Variants in OSBPL10 observed in about 807,000 individuals in gnomAD.
OSBPL10 encodes oxysterol-binding protein-related protein 10.
In OSBPL10, 49 loss-of-function variants were observed where a neutral mutation model predicts 81.7. The observed-to-expected ratio is 0.60, with a 90% CI of 0.48 to 0.76. The LOEUF (loss-of-function observed/expected upper bound fraction) is 0.76, where lower values mean the gene tolerates loss of function less well. OSBPL10 is among the 30% of genes least tolerant of loss of function. The pLI is 0.00. For missense variants in OSBPL10, 923 were observed against 987.8 expected (o/e 0.93, Z 0.88); for synonymous variants, 419 against 383.6 (o/e 1.09, Z -1.08).
rs1695965139 is a variant in OSBPL10, at chr3:31,703,565, C to T, written c.1096-1057G>A. On this transcript the variant is annotated intron_variant, in intron 6 of 11. Transcript: ENST00000396556. Reference sequence around the variant, plus strand: ...TATATCTACAGGCACTTCTAACATACAAAGGTTATTTTAGTGGTCAAGGTG... The same window carrying T: ...TATATCTACAGGCACTTCTAACATATAAAGGTTATTTTAGTGGTCAAGGTG... 3.3e-5 allele frequency: 5 copies of T among 152,194 alleles called. No homozygotes were observed. The South Asian group carries it at 1.0e-3, about 31-fold the overall frequency. The allele number at this position is 152,194 out of a possible 1,614,324, so 9.4% of individuals were successfully genotyped here.
At chr3:31,965,451 A>ATATATGT (rs1698304583) in intron 1 of OSBPL10, among the ~76,000 whole-genome samples, 1 of 68,254 alleles carries the variant, frequency 1.5e-5, no homozygotes, top group African/African-American at 1.5e-4. Flanking sequence ...ATATTATATA[A>ATATATGT]TATATAATTT....
At chr3:31,850,364 A>G (rs1015736493) in intron 3 of OSBPL10, among the ~76,000 whole-genome samples, 4 of 152,086 alleles carry the variant, frequency 2.6e-5, no homozygotes, top group African/African-American at 7.2e-5. Flanking sequence ...AAATTCCAAG[A>G]GCTAGTAAGT....
intron 3 of OSBPL10, among the ~76,000 whole-genome samples, chr3:31,863,367 G>A (rs1461261571): frequency 6.6e-6 from 1 of 152,134 alleles, no homozygotes. Flanking sequence ...GGTAGTGGTT[G>A]TACAATTTTG....
chr3:31,810,972 G>C (rs1319623485), intron 4 of OSBPL10, among the ~76,000 whole-genome samples: 1 of 152,202 alleles, frequency 6.6e-6, no homozygotes, highest in Non-Finnish European at 1.5e-5. Context: ...TGTTCAGCGA[G>C]AGTGTCGAGT....
intron 7 of OSBPL10, among the ~76,000 whole-genome samples, chr3:31,685,157 T>C (rs1700759696): frequency 6.6e-6 from 1 of 152,226 alleles, no homozygotes; most frequent in African/African-American, 2.4e-5. Context: ...AAGTCCATTT[T>C]TCACTGTCCT....
chr3:31,888,142 A>T (rs1695790348), intron 1 of OSBPL10, among the ~76,000 whole-genome samples: 1 of 152,248 alleles, frequency 6.6e-6, no homozygotes. Flanking sequence ...AACCAATGGA[A>T]CAGAATAGAG....
At chr3:31,975,184 T>G (rs1255901618) in intron 1 of OSBPL10, among the ~76,000 whole-genome samples, 1 of 152,220 alleles carries the variant, frequency 6.6e-6, no homozygotes, top group Non-Finnish European at 1.5e-5. Context: ...TTTTGTAACC[T>G]AGGCAACCAT....
chr3:31,790,040 C>T (rs184392265), intron 4 of OSBPL10, among the ~76,000 whole-genome samples: 20 of 152,026 alleles, frequency 1.3e-4, no homozygotes, highest in Non-Finnish European at 1.9e-4. Context: ...ATCTGGTATC[C>T]CACCATATGA....
At chr3:31,663,927 C>A in intron 11 of OSBPL10, 152 bp downstream of exon 11, 1 of 1,557,968 alleles carries the variant, frequency 6.4e-7, no homozygotes, top group South Asian at 1.2e-5. Context: ...GAAGCCTTGT[C>A]CAAAGCTGGA....
chr3:31,842,775 TTAAGTC>T (rs1300061131), intron 3 of OSBPL10, among the ~76,000 whole-genome samples: 2 of 152,210 alleles, frequency 1.3e-5, no homozygotes, highest in Non-Finnish European at 2.9e-5. Context: ...CTTAGTGACT[TTAAGTC>T]TAACGGATCA....
At chr3:31,855,036 GT>G (rs1341120589) in intron 3 of OSBPL10, among the ~76,000 whole-genome samples, 2 of 152,052 alleles carry the variant, frequency 1.3e-5, no homozygotes, top group Non-Finnish European at 2.9e-5. Flanking sequence ...TTTTGTTTTT[GT>G]TTTGCCAGAG....
intron 4 of OSBPL10, among the ~76,000 whole-genome samples, chr3:31,751,449 A>T (rs1234052450): frequency 6.6e-6 from 1 of 152,260 alleles, no homozygotes. Context: ...GCCGATTGCC[A>T]ATAGCAACGG....
intron 3 of OSBPL10, among the ~76,000 whole-genome samples, chr3:31,852,020 C>T (rs1407799023): frequency 1.3e-5 from 2 of 152,208 alleles, no homozygotes. Context: ...CTCTCTTATA[C>T]ACTGAAACAC....
chr3:31,927,141 G>A (rs749933156), intron 1 of OSBPL10, among the ~76,000 whole-genome samples: 1 of 151,894 alleles, frequency 6.6e-6, no homozygotes, highest in Non-Finnish European at 1.5e-5. Context: ...AAAGTCAAAG[G>A]TAAAGTAAAA....
At chr3:31,737,375 CAT>C (rs1170120374) in intron 5 of OSBPL10, among the ~76,000 whole-genome samples, 1 of 152,068 alleles carries the variant, frequency 6.6e-6, no homozygotes, top group Non-Finnish European at 1.5e-5. Flanking sequence ...AGGAAGAATA[CAT>C]GTAAAATTTC....
intron 2 of OSBPL10, chr3:31,990,112 A>C: frequency 6.2e-7 from 1 of 1,611,686 alleles, no homozygotes. Context: ...ATACAAATGT[A>C]AGGTTTGTGA....
chr3:31,883,662 G>T (rs1339560231), intron 1 of OSBPL10, among the ~76,000 whole-genome samples: 1 of 151,800 alleles, frequency 6.6e-6, no homozygotes, highest in Non-Finnish European at 1.5e-5. Flanking sequence ...CTCCCGAGTA[G>T]CTGAGATTAC....
At chr3:31,738,818 T>C (rs1697263436) in intron 5 of OSBPL10, among the ~76,000 whole-genome samples, 1 of 152,088 alleles carries the variant, frequency 6.6e-6, no homozygotes, top group Non-Finnish European at 1.5e-5. Flanking sequence ...AAATGATTCT[T>C]CTTGCAGGAA....
intron 4 of OSBPL10, among the ~76,000 whole-genome samples, chr3:31,790,253 T>G (rs1163721532): frequency 3.3e-5 from 5 of 152,196 alleles, no homozygotes; most frequent in African/African-American, 1.2e-4. Context: ...ATGGTAATAC[T>G]CTGTTGGCAG....
Sources: gnomAD v4.1 joint callset for allele counts (sites outside exome capture counted in the v4.1 genomes callset) on GRCh38, gnomAD v4.1.1 for gene constraint, MANE v1.5 for transcripts, NCBI Gene and HGNC (gene_info 2026-07-23, HGNC 2026-07-21) for gene names.